Variants in MAN2A1 observed in about 807,000 individuals in gnomAD.
MAN2A1 encodes the protein mannosidase alpha class 2A member 1, also known as alpha-mannosidase 2.
MAN2A1 carries 76 observed loss-of-function variants against 142.6 expected under a neutral mutation model. That is an observed-to-expected ratio of 0.53 (90% CI 0.44 to 0.65). MAN2A1 has a LOEUF of 0.65. MAN2A1 is among the 30% of genes least tolerant of loss of function. The pLI, the probability that MAN2A1 is intolerant of heterozygous loss-of-function variation, is 0.00. For missense variants in MAN2A1, 1,311 were observed against 1,365.1 expected, an observed-to-expected ratio of 0.96 and a Z score of 0.62; for synonymous variants, 559 against 473.2, an observed-to-expected ratio of 1.18 and a Z score of -2.35.
At chr5:109,797,652 T>C (rs1753899930) in intron 12 of MAN2A1, among the ~76,000 whole-genome samples, 2 of 152,062 alleles carry the variant, frequency 1.3e-5, no homozygotes, top group African/African-American at 4.8e-5. Flanking sequence ...ATATAATTGA[T>C]GAAAAGTTTT....
chr5:109,865,657 C>G (rs1234503942), intron 21 of MAN2A1, among the ~76,000 whole-genome samples: 2 of 152,214 alleles, frequency 1.3e-5, no homozygotes, highest in Non-Finnish European at 2.9e-5. Context: ...GTTGTTTTCC[C>G]TTGGGAAATA....
chr5:109,767,781 A>G lies in MAN2A1; in HGVS notation c.1009+73A>G, dbSNP rs935730636. On this transcript the variant is annotated intron_variant, in intron 6 of 21. Coordinates refer to ENST00000261483, the MANE Select transcript of MAN2A1 (RefSeq NM_002372.4). The stretch of plus-strand genomic sequence containing the variant: ...TTCACAAGGGTTATGAACTCATGCC[A>G]CTGTGGGTTTTGTTCACTGTCAGTC... 4 of 1,286,776 alleles carry G rather than the reference A, an allele frequency of 3.1e-6. No homozygotes were observed. The African/African-American group carries it at 4.4e-5, about 14-fold the overall frequency. 79.7% of individuals were successfully genotyped at this position (1,286,776 alleles called of 1,614,324 possible). A position where few individuals can be genotyped will look rare whatever the true frequency, so the allele number is the denominator to read the frequency against.
chr5:109,705,765 C>T (rs1210707040), intron 1 of MAN2A1, among the ~76,000 whole-genome samples: 1 of 152,174 alleles, frequency 6.6e-6, no homozygotes, highest in African/African-American at 2.4e-5. Flanking sequence ...TTCTGGAGCT[C>T]CAGGGGAGAA....
chr5:109,763,909 C>T (rs372762222), intron 5 of MAN2A1, among the ~76,000 whole-genome samples: 92 of 152,170 alleles, frequency 6.0e-4, no homozygotes, highest in African/African-American at 2.1e-3. Context: ...TCAAGTGACC[C>T]TCCTGCCTCA....
chr5:109,866,341 A>G (rs1314068034), intron 21 of MAN2A1, among the ~76,000 whole-genome samples: 1 of 152,132 alleles, frequency 6.6e-6, no homozygotes, highest in Non-Finnish European at 1.5e-5. Context: ...CTGGGACTCA[A>G]TGACATAATG....
intron 12 of MAN2A1, among the ~76,000 whole-genome samples, chr5:109,808,523 A>G (rs967141368): frequency 2.0e-5 from 3 of 152,118 alleles, no homozygotes; most frequent in African/African-American, 7.2e-5. Context: ...TTTAATGGCT[A>G]TTAGTATTCT....
At chr5:109,750,568 T>C (rs978705985) in intron 4 of MAN2A1, among the ~76,000 whole-genome samples, 1 of 152,130 alleles carries the variant, frequency 6.6e-6, no homozygotes, top group East Asian at 1.9e-4. Flanking sequence ...GAAACTATGC[T>C]AAGAGGAACT....
intron 12 of MAN2A1, among the ~76,000 whole-genome samples, chr5:109,794,520 A>G (rs1415231359): frequency 6.6e-6 from 1 of 152,146 alleles, no homozygotes; most frequent in Non-Finnish European, 1.5e-5. Context: ...TAAAGAATTC[A>G]AGGCAATAAT....
Position 109,789,001 on chromosome 5 carries a change from G to T in MAN2A1, c.1828G>T (p.Asp610Tyr). ...GNSAFLLILKDKLTYDSYSPD... is the reference protein window; with the variant it reads ...GNSAFLLILKYKLTYDSYSPD... ...TTCTGCATTTCTTCTTATTTTGAAG[G>T]ACAAACTCACATACGACTCTTACTC... Residue 610 changes from aspartate to tyrosine, a missense_variant, in exon 11 of 22, where the codon GAC (aspartate) becomes TAC (tyrosine). Asp to Tyr is a radical substitution (Grantham distance 160, BLOSUM62 -3). This residue lies in a region of MAN2A1 where 890 missense variants were observed against 920.5 expected (regional missense o/e 0.97). Transcript: ENST00000261483. 6.2e-7 allele frequency: 1 copy of T among 1,605,202 alleles called. No homozygotes were observed. The highest frequency in any genetic ancestry group is 8.5e-7 in the Non-Finnish European group (1 of 1,173,484).
intron 7 of MAN2A1, 114 bp downstream of exon 7, chr5:109,770,655 A>AT: frequency 4.2e-6 from 4 of 941,280 alleles, no homozygotes; most frequent in Non-Finnish European, 6.4e-6. Flanking sequence ...CCTTGTTTGA[A>AT]GTATTCATTC....
intron 7 of MAN2A1, among the ~76,000 whole-genome samples, chr5:109,773,601 A>AG (rs1753207405): frequency 1.3e-5 from 2 of 152,172 alleles, no homozygotes; most frequent in African/African-American, 4.8e-5. Context: ...CTAATGTCAG[A>AG]AAACTAAGCA....
intron 16 of MAN2A1, among the ~76,000 whole-genome samples, chr5:109,824,824 A>G (rs1754716135): frequency 6.6e-6 from 1 of 152,138 alleles, no homozygotes; most frequent in South Asian, 2.1e-4. Flanking sequence ...AGTTAAATTT[A>G]ATTTTGCTTT....
intron 13 of MAN2A1, among the ~76,000 whole-genome samples, chr5:109,817,832 T>G (rs1351456047): frequency 6.6e-6 from 1 of 152,140 alleles, no homozygotes. Flanking sequence ...CCTTAGTAAC[T>G]TTGGATAGTT....
chr5:109,712,181 T>G (rs914260746), intron 1 of MAN2A1, among the ~76,000 whole-genome samples: 2 of 152,226 alleles, frequency 1.3e-5, no homozygotes, highest in African/African-American at 4.8e-5. Flanking sequence ...ATGATTGGCC[T>G]TTTCTTGGTA....
intron 20 of MAN2A1, chr5:109,864,673 G>T: frequency 5.7e-6 from 1 of 175,376 alleles, no homozygotes; most frequent in Non-Finnish European, 1.2e-5. Flanking sequence ...TTATTCAACT[G>T]ATGTGTGTGT....
intron 4 of MAN2A1, among the ~76,000 whole-genome samples, chr5:109,730,050 T>G (rs68157792): frequency 0.18 from 26,680 of 152,090 alleles, 3,297 homozygotes; most frequent in East Asian, 0.64. Context: ...TAGGTCAAAG[T>G]GGCTTAATAG....
At chr5:109,801,611 AGC>A (rs1221011401) in intron 12 of MAN2A1, among the ~76,000 whole-genome samples, 1 of 152,202 alleles carries the variant, frequency 6.6e-6, no homozygotes, top group African/African-American at 2.4e-5. Context: ...ATCAAAAAGC[AGC>A]TACCAGATTT....
chr5:109,802,089 AT>A (rs1754046705), intron 12 of MAN2A1, among the ~76,000 whole-genome samples: 1 of 152,120 alleles, frequency 6.6e-6, no homozygotes, highest in Non-Finnish European at 1.5e-5. Flanking sequence ...GTATGTGTTC[AT>A]ATTTTCTTGC....
intron 5 of MAN2A1, among the ~76,000 whole-genome samples, chr5:109,760,740 C>CT (rs1201634518): frequency 6.6e-6 from 1 of 152,040 alleles, no homozygotes; most frequent in Admixed American, 6.6e-5. Flanking sequence ...TGATGATGAG[C>CT]TTTTTTTCAC....
Sources: gnomAD v4.1 joint callset for allele counts (sites outside exome capture counted in the v4.1 genomes callset) on GRCh38, gnomAD v4.1.1 for gene constraint, gnomAD v4.1.1 regional missense constraint, MANE v1.5 for transcripts, NCBI Gene and HGNC (gene_info 2026-07-23, HGNC 2026-07-21) for gene names.